The following CNTN5 variants were observed in gnomAD, a reference collection of about 807,000 sequenced individuals.
CNTN5 encodes the protein contactin-5.
Under a neutral mutation model 129.1 loss-of-function variants are expected in CNTN5, and 77 were observed. That is an observed-to-expected ratio of 0.60 (90% confidence interval 0.50 to 0.72). CNTN5 has a LOEUF of 0.72. Ranked by LOEUF, CNTN5 falls within the 30% of genes least tolerant of loss-of-function variation. CNTN5 has a pLI of 0.00. For missense variants in CNTN5, 1,478 were observed against 1,328.8 expected (o/e 1.11, Z -1.75); for synonymous variants, 509 against 465.6 (o/e 1.09, Z -1.20).
intron 3 of CNTN5, among the ~76,000 whole-genome samples, chr11:99,682,619 C>G (rs891833003): frequency 6.6e-6 from 1 of 151,966 alleles, no homozygotes; most frequent in East Asian, 1.9e-4. Context: ...CCAAACACAT[C>G]CGTTCTGTGT....
At chr11:99,269,462 T>G (rs1863069799) in intron 1 of CNTN5, among the ~76,000 whole-genome samples, 1 of 151,890 alleles carries the variant, frequency 6.6e-6, no homozygotes, top group Non-Finnish European at 1.5e-5. Context: ...CATTTAACAC[T>G]GAACTGCATA....
At chr11:100,335,038 T>C (rs1221948085) in intron 21 of CNTN5, among the ~76,000 whole-genome samples, 1 of 151,330 alleles carries the variant, frequency 6.6e-6, no homozygotes, top group Non-Finnish European at 1.5e-5. Flanking sequence ...TCATCCATTA[T>C]AGCAAATGTA....
intron 2 of CNTN5, among the ~76,000 whole-genome samples, chr11:99,516,878 G>A (rs999681948): frequency 1.3e-5 from 2 of 152,054 alleles, no homozygotes; most frequent in African/African-American, 2.4e-5. Context: ...GTGTCATTTT[G>A]TAAGGGATTT....
rs533450794 is a variant in CNTN5, at chr11:99,370,340, A to G, written c.-71+44856A>G. 3.3e-5 allele frequency among the ~76,000 whole-genome samples: 5 copies of G among 152,340 alleles called. No homozygotes were observed. The South Asian group carries it at 1.0e-3, about 32-fold the overall frequency. On this transcript the variant is annotated intron_variant, in intron 2 of 24. Transcript: ENST00000524871. ...TGGATTGATGGAGAAACATTCAAGGATCGCAAGTTTTTAGGTCGCAAAGAA... is the reference window on the plus strand; with the variant it reads ...TGGATTGATGGAGAAACATTCAAGGGTCGCAAGTTTTTAGGTCGCAAAGAA...
chr11:99,470,688 C>CA (rs1945136706), intron 2 of CNTN5, among the ~76,000 whole-genome samples: 2 of 152,006 alleles, frequency 1.3e-5, no homozygotes, highest in East Asian at 1.9e-4. Context: ...ACTTGATTTA[C>CA]AAAAAAGGAA....
At chr11:99,111,297 TGTGTGTGTAG>T (rs1263997026) in intron 1 of CNTN5, among the ~76,000 whole-genome samples, 3 of 152,044 alleles carry the variant, frequency 2.0e-5, no homozygotes, top group Non-Finnish European at 4.4e-5. Flanking sequence ...TGTGTTTGTG[TGTGTGTGTAG>T]GTGTGTGTGT....
intron 21 of CNTN5, among the ~76,000 whole-genome samples, chr11:100,328,752 C>G (rs1240818441): frequency 1.3e-5 from 2 of 152,056 alleles, no homozygotes; most frequent in African/African-American, 4.8e-5. Flanking sequence ...CAAACCATAT[C>G]AGACCTTGCA....
At chr11:99,606,502 C>A (rs373762542) in intron 3 of CNTN5, among the ~76,000 whole-genome samples, 1 of 143,022 alleles carries the variant, frequency 7.0e-6, no homozygotes, top group Admixed American at 7.0e-5. Context: ...GAATCAATAT[C>A]GTGAAAATGG....
chr11:99,723,596 A>G (rs1173617468), intron 3 of CNTN5, among the ~76,000 whole-genome samples: 1 of 152,078 alleles, frequency 6.6e-6, no homozygotes, highest in African/African-American at 2.4e-5. Context: ...GCCATCTAAT[A>G]TGTTACATAT....
At chr11:99,492,165 T>C (rs1403986467) in intron 2 of CNTN5, among the ~76,000 whole-genome samples, 5 of 152,158 alleles carry the variant, frequency 3.3e-5, no homozygotes, top group Admixed American at 2.6e-4. Flanking sequence ...GTTCAAACAT[T>C]GCAGGATGGG....
intron 13 of CNTN5, among the ~76,000 whole-genome samples, chr11:100,083,990 C>G (rs1944459072): frequency 6.6e-6 from 1 of 151,966 alleles, no homozygotes; most frequent in Non-Finnish European, 1.5e-5. Flanking sequence ...TTAATTTAAG[C>G]TGTAAATGAC....
At chr11:99,816,364 C>A (rs1382739040) in intron 3 of CNTN5, among the ~76,000 whole-genome samples, 2 of 152,098 alleles carry the variant, frequency 1.3e-5, no homozygotes, top group African/African-American at 4.8e-5. Flanking sequence ...ATCTCTCTGA[C>A]GAACCTGCGT....
intron 1 of CNTN5, among the ~76,000 whole-genome samples, chr11:99,071,158 T>C (rs1208101097): frequency 6.6e-6 from 1 of 152,156 alleles, no homozygotes; most frequent in Non-Finnish European, 1.5e-5. Flanking sequence ...ACTGCATTTA[T>C]AAGTGTGGAA....
intron 1 of CNTN5, among the ~76,000 whole-genome samples, chr11:99,222,357 G>C (rs921400890): frequency 4.0e-5 from 6 of 151,672 alleles, no homozygotes; most frequent in Non-Finnish European, 8.8e-5. Flanking sequence ...ATGGGGGTTG[G>C]GGGGACAGGA....
chr11:99,251,505 A>G (rs1275254559), intron 1 of CNTN5, among the ~76,000 whole-genome samples: 1 of 151,848 alleles, frequency 6.6e-6, no homozygotes, highest in Non-Finnish European at 1.5e-5. Flanking sequence ...CCCAATACTC[A>G]ATTTACCTAG....
chr11:99,894,173 A>G (rs1270480923), intron 6 of CNTN5, among the ~76,000 whole-genome samples: 1 of 152,168 alleles, frequency 6.6e-6, no homozygotes, highest in East Asian at 1.9e-4. Context: ...GGAGCCAAAT[A>G]TATTGCTCAT....
intron 4 of CNTN5, among the ~76,000 whole-genome samples, chr11:99,822,650 G>A (rs1386095629): frequency 6.6e-6 from 1 of 152,082 alleles, no homozygotes. Context: ...CCAGGAGAGG[G>A]TATATACATT....
chr11:100,337,700 A>G (rs1465463440), intron 21 of CNTN5: 1 of 534,658 alleles, frequency 1.9e-6, no homozygotes, highest in African/African-American at 1.9e-5. Flanking sequence ...AGCTGTGCAT[A>G]TGTTTAGCCA....
chr11:99,032,465 G>T (rs1355646806), intron 1 of CNTN5, among the ~76,000 whole-genome samples: 5 of 149,652 alleles, frequency 3.3e-5, no homozygotes, highest in African/African-American at 1.2e-4. Context: ...CATTCTAACT[G>T]GTGTGAGATG....
Sources: allele counts gnomAD v4.1 joint callset (sites outside exome capture counted in the v4.1 genomes callset), GRCh38; gene constraint gnomAD v4.1.1; transcripts MANE v1.5; gene names NCBI Gene and HGNC (gene_info 2026-07-23, HGNC 2026-07-21).